Variants in CADPS2 observed in about 807,000 individuals in gnomAD.
The protein encoded by CADPS2 is calcium dependent secretion activator 2.
CADPS2 carries 93 observed loss-of-function variants against 172.5 expected under a neutral mutation model. The observed-to-expected ratio is 0.54, with a 90% confidence interval of 0.46 to 0.64. The LOEUF (loss-of-function observed/expected upper bound fraction) is 0.64, where lower values mean the gene tolerates loss of function less well. Ranked by LOEUF, CADPS2 falls within the 30% of genes least tolerant of loss-of-function variation. The probability of loss-of-function intolerance (pLI) is 0.00; values close to 1 mark genes in which losing one functional copy is unlikely to be tolerated. For synonymous variants in CADPS2, 546 were observed against 555.2 expected (o/e 0.98, Z 0.23); for missense variants, 1,420 against 1,565.9 (o/e 0.91, Z 1.57).
chr7:122,493,750 T>C (rs1422164983), intron 9 of CADPS2, among the ~76,000 whole-genome samples: 1 of 150,540 alleles, frequency 6.6e-6, no homozygotes, highest in Non-Finnish European at 1.5e-5. Context: ...CCAATTTTGA[T>C]GAGTGGGAAA....
intron 2 of CADPS2, among the ~76,000 whole-genome samples, chr7:122,673,318 T>A (rs575510776): frequency 1.3e-4 from 20 of 152,308 alleles, no homozygotes; most frequent in African/African-American, 4.8e-4. Context: ...TGCAGATTGG[T>A]CCATTTTACA....
chr7:122,804,700 G>C (rs183607889), intron 1 of CADPS2, among the ~76,000 whole-genome samples: 12 of 152,226 alleles, frequency 7.9e-5, no homozygotes, highest in Non-Finnish European at 1.3e-4. Context: ...ATCATAAAGG[G>C]TCAGTGTTCC....
At chr7:122,445,626 TG>T (rs1405923463) in intron 15 of CADPS2, among the ~76,000 whole-genome samples, 4 of 152,096 alleles carry the variant, frequency 2.6e-5, no homozygotes, top group African/African-American at 9.7e-5. Context: ...AGAGTAGCCC[TG>T]GGCAACATAG....
At position 122,667,686 on chromosome 7, in the gene CADPS2, T is replaced by A. The variant is rs532550364; in HGVS notation, c.454-4117A>T. 2.0e-5 allele frequency among the ~76,000 whole-genome samples: 3 copies of A among 152,174 alleles called. No homozygotes were observed. The East Asian group carries it at 5.8e-4, about 29-fold the overall frequency. On this transcript the variant is annotated intron_variant, in intron 2 of 29. Transcript: ENST00000449022. ...AGAAAAGGCAAAAGAAAAGAAGTTA[T>A]TAACTCTGCTGGGGGGCCAGAGTAA...
At chr7:122,884,481 T>C (rs1386124303) in intron 1 of CADPS2, among the ~76,000 whole-genome samples, 3 of 152,224 alleles carry the variant, frequency 2.0e-5, no homozygotes. Context: ...TGGGAAATGC[T>C]ATTATGACCT....
intron 2 of CADPS2, among the ~76,000 whole-genome samples, chr7:122,673,379 C>G (rs2082065458): frequency 6.6e-6 from 1 of 152,222 alleles, no homozygotes; most frequent in Non-Finnish European, 1.5e-5. Flanking sequence ...CATTTACAAT[C>G]CCTGAGCTAG....
intron 2 of CADPS2, among the ~76,000 whole-genome samples, chr7:122,734,337 G>A (rs993366962): frequency 7.6e-5 from 4 of 52,318 alleles, no homozygotes; most frequent in East Asian, 1.5e-3. Flanking sequence ...GTGAAATAAC[G>A]ATAGCATGCC....
At chr7:122,825,594 A>G (rs1804655509) in intron 1 of CADPS2, among the ~76,000 whole-genome samples, 2 of 152,298 alleles carry the variant, frequency 1.3e-5, no homozygotes, top group Non-Finnish European at 2.9e-5. Flanking sequence ...ACAGGGCTGA[A>G]AGATTTTTGT....
At chr7:122,727,466 T>C (rs1170110388) in intron 2 of CADPS2, among the ~76,000 whole-genome samples, 2 of 151,620 alleles carry the variant, frequency 1.3e-5, no homozygotes, top group Non-Finnish European at 2.9e-5. Flanking sequence ...GTACTATCCT[T>C]TTTTAAGAAT....
At chr7:122,369,011 A>G (rs1422617380) in intron 25 of CADPS2, among the ~76,000 whole-genome samples, 4 of 152,136 alleles carry the variant, frequency 2.6e-5, no homozygotes, top group African/African-American at 9.7e-5. Context: ...ATTTTAATAT[A>G]AAGTGGCAAT....
At chr7:122,777,846 G>A (rs984855958) in intron 1 of CADPS2, among the ~76,000 whole-genome samples, 12 of 152,046 alleles carry the variant, frequency 7.9e-5, no homozygotes, top group Non-Finnish European at 1.2e-4. Flanking sequence ...CCAGTCTCAC[G>A]TATGTCTTTA....
intron 7 of CADPS2, among the ~76,000 whole-genome samples, chr7:122,571,297 T>G (rs547805184): frequency 6.6e-6 from 1 of 152,226 alleles, no homozygotes; most frequent in Admixed American, 6.5e-5. Flanking sequence ...AATAACAATA[T>G]ATACCTATTA....
At chr7:122,445,972 T>G (rs1005817179) in intron 15 of CADPS2, among the ~76,000 whole-genome samples, 1 of 152,216 alleles carries the variant, frequency 6.6e-6, no homozygotes, top group Non-Finnish European at 1.5e-5. Context: ...AAATTTGTTT[T>G]TTTCAGAATC....
chr7:122,414,118 A>G (rs2047617966), intron 18 of CADPS2, 42 bp from the exon 19 acceptor site: 1 of 1,464,858 alleles, frequency 6.8e-7, no homozygotes, highest in African/African-American at 1.5e-5. Flanking sequence ...AGAGTAGAAC[A>G]ATTGCCATAG....
chr7:122,579,685 T>G (rs2068550904), intron 7 of CADPS2, among the ~76,000 whole-genome samples: 1 of 151,860 alleles, frequency 6.6e-6, no homozygotes, highest in South Asian at 2.1e-4. Flanking sequence ...AAACCCTGAT[T>G]AATAAAAAGA....
At chr7:122,575,019 A>C (rs960655577) in intron 7 of CADPS2, among the ~76,000 whole-genome samples, 23 of 152,174 alleles carry the variant, frequency 1.5e-4, no homozygotes, top group African/African-American at 5.3e-4. Context: ...CGGGAAGCAC[A>C]AAACATTATG....
chr7:122,507,849 G>A (rs1432447577), intron 9 of CADPS2, among the ~76,000 whole-genome samples: 1 of 152,086 alleles, frequency 6.6e-6, no homozygotes, highest in Non-Finnish European at 1.5e-5. Context: ...TTTTTGCTAT[G>A]GAACAGCAAT....
intron 12 of CADPS2, among the ~76,000 whole-genome samples, chr7:122,479,022 A>G (rs2057005496): frequency 6.6e-6 from 1 of 152,072 alleles, no homozygotes; most frequent in African/African-American, 2.4e-5. Flanking sequence ...TAGTGTTGTG[A>G]GAAATCATGG....
chr7:122,360,830 G>A lies in CADPS2; in HGVS notation c.3472-10C>T, dbSNP rs761477816. The A allele has an allele frequency of 5.1e-6, 8 of 1,572,302 alleles. No individual in the cohort carries two copies. Among genetic ancestry groups the A allele is most frequent in the Non-Finnish European group, 1.7e-6 (2 of 1,158,224 alleles). On this transcript the variant is annotated splice_polypyrimidine_tract_variant and intron_variant, in intron 26 of 29. Transcript: ENST00000449022. ...TTGCAGCTGCTTTCACCTTAAGTGTGAAAGAAAGAGATAATCATGAGAATT... is the reference window on the plus strand; with the variant it reads ...TTGCAGCTGCTTTCACCTTAAGTGTAAAAGAAAGAGATAATCATGAGAATT...
Sources: allele counts gnomAD v4.1 joint callset (sites outside exome capture counted in the v4.1 genomes callset), GRCh38; gene constraint gnomAD v4.1.1; transcripts MANE v1.5; gene names NCBI Gene and HGNC (gene_info 2026-07-23, HGNC 2026-07-21).